SLC39A10: variants seen among roughly 807,000 people sequenced by gnomAD.
The protein encoded by SLC39A10 is solute carrier family 39 member 10.
A neutral mutation model predicts 65.1 loss-of-function variants in SLC39A10; 13 were observed. The ratio of observed to expected loss-of-function variants is 0.20; its 90% CI spans 0.13 to 0.32. The LOEUF is 0.32. Among genes scored for constraint, SLC39A10 ranks in the 10% least tolerant of loss-of-function variants. SLC39A10 has a pLI of 1.00. For synonymous variants in SLC39A10, 321 were observed against 342.2 expected (o/e 0.94, Z 0.68); for missense variants, 831 against 1,018.4 (o/e 0.82, Z 2.50).
At chr2:195,722,366 C>G (rs1366635992) in intron 8 of SLC39A10, among the ~76,000 whole-genome samples, 1 of 152,200 alleles carries the variant, frequency 6.6e-6, no homozygotes, top group Non-Finnish European at 1.5e-5. Flanking sequence ...CCAGCTTCCT[C>G]TTCTGGAGGT....
In SLC39A10 at chr2:195,735,690, G is replaced by T. The variant is rs555497630; in HGVS notation, c.*649G>T. 5 of 152,556 alleles carry T rather than the reference G, an allele frequency of 3.3e-5. No homozygotes were observed. The East Asian group carries it at 9.7e-4, about 29-fold the overall frequency. The allele number at this position is 152,556 out of a possible 1,614,324, so 9.5% of individuals were successfully genotyped here. On this transcript the variant is annotated 3_prime_UTR_variant, in exon 10 of 10. Transcript: ENST00000359634. ...GCCTAAACTACTGAAATTTGTGATT[G>T]TATGTTTGTGTGAGCTTCAGTTTAA...
chr2:195,733,745 GTC>G (rs1233907189), intron 9 of SLC39A10, among the ~76,000 whole-genome samples: 1 of 151,958 alleles, frequency 6.6e-6, no homozygotes, highest in Non-Finnish European at 1.5e-5. Flanking sequence ...GTTCAGGCTG[GTC>G]TCAAACTCCC....
At chr2:195,676,524 A>T (rs1296403398) in intron 1 of SLC39A10, among the ~76,000 whole-genome samples, 1 of 152,140 alleles carries the variant, frequency 6.6e-6, no homozygotes, top group East Asian at 1.9e-4. Flanking sequence ...GAACTTGTTG[A>T]TAATTTTGCT....
In SLC39A10 at chr2:195,728,010, T is replaced by C. The variant is rs1374603404; in HGVS notation, c.2147-149T>C. The stretch of plus-strand genomic sequence containing the variant: ...ATCCAAGTTTTTGCATGCATTATGG[T>C]TTAATAAGTAAAATATTTTATATAT... On this transcript the variant is annotated intron_variant, in intron 8 of 9. Transcript: ENST00000359634. This position sits in a 1 kb window ranked among gnomAD's most constrained non-coding sequence, Gnocchi z 4.4. The C allele has an allele frequency of 2.8e-6, 2 of 718,306 alleles. No homozygotes were observed. The highest frequency in any genetic ancestry group is 6.0e-5 in the Admixed American group (2 of 33,460). 44.5% of individuals were successfully genotyped at this position (718,306 alleles called of 1,614,324 possible). A position where few individuals can be genotyped will look rare whatever the true frequency, so the allele number is the denominator to read the frequency against.
chr2:195,733,356 T>C (rs1692486402), intron 9 of SLC39A10, among the ~76,000 whole-genome samples: 1 of 152,246 alleles, frequency 6.6e-6, no homozygotes. Flanking sequence ...TTCACAATTT[T>C]AGATTAGGTT....
intron 3 of SLC39A10, among the ~76,000 whole-genome samples, chr2:195,686,848 A>G (rs1374285299): frequency 6.6e-6 from 1 of 152,148 alleles, no homozygotes; most frequent in African/African-American, 2.4e-5. Flanking sequence ...TCCTCCTGAA[A>G]AGGTTTTGGA....
chr2:195,662,072 C>A (rs1197176208), intron 1 of SLC39A10, among the ~76,000 whole-genome samples: 1 of 152,108 alleles, frequency 6.6e-6, no homozygotes, highest in Non-Finnish European at 1.5e-5. Flanking sequence ...TTATTAATAT[C>A]ATTATGTACT....
chr2:195,695,585 G>C (rs1690922149), intron 3 of SLC39A10, among the ~76,000 whole-genome samples: 1 of 152,138 alleles, frequency 6.6e-6, no homozygotes, highest in Admixed American at 6.5e-5. Context: ...CAGGGAGCCT[G>C]CAGAGGCAAT....
At chr2:195,653,110 G>A (rs1053432093), upstream of SLC39A10, among the ~76,000 whole-genome samples, 5 of 152,100 alleles carry the variant, frequency 3.3e-5, no homozygotes. Context: ...GAATGTAGAT[G>A]TTTCCCACAA....
chr2:195,674,580 TTTTC>T (rs1247931605), intron 1 of SLC39A10: 56 of 985,352 alleles, frequency 5.7e-5, no homozygotes, highest in South Asian at 2.3e-4. Context: ...CCCGGCCTGC[TTTTC>T]TTTATTTACC....
At position 195,639,912 on chromosome 2, in the gene SLC39A10, C is replaced by T. The variant is rs58078576; in HGVS notation, c.-12+33679C>T. Among the ~76,000 whole-genome samples, 1,517 of 152,194 alleles carry T rather than the reference C, an allele frequency of 1.0e-2. 28 individuals carry two copies. Among genetic ancestry groups the T allele is most frequent in the African/African-American group, 0.034 (1,403 of 41,534 alleles). On this transcript the variant is annotated intron_variant, in intron 2 of 2. Transcript: ENST00000458054. ...AAATCCACATAAATTATTTGGAATT[C>T]TTCTGCAGGAGATATTTGTTCTCTG... is the stretch of plus-strand genomic sequence containing the variant.
At chr2:195,636,569 G>A (rs1688699901) in intron 2 of SLC39A10, among the ~76,000 whole-genome samples, 1 of 151,854 alleles carries the variant, frequency 6.6e-6, no homozygotes, top group Non-Finnish European at 1.5e-5. Flanking sequence ...GGCTAACACG[G>A]TGAAACCCAG....
At chr2:195,722,876 A>C (rs1448271055) in intron 8 of SLC39A10, among the ~76,000 whole-genome samples, 1 of 152,248 alleles carries the variant, frequency 6.6e-6, no homozygotes, top group Non-Finnish European at 1.5e-5. Flanking sequence ...ATTGCAATAC[A>C]TGGAGACTGA....
intron 2 of SLC39A10, among the ~76,000 whole-genome samples, chr2:195,649,743 G>A (rs1688993519): frequency 6.6e-6 from 1 of 152,172 alleles, no homozygotes; most frequent in South Asian, 2.1e-4. Context: ...TGGACTAGGA[G>A]TTATGTTCTG....
intron 5 of SLC39A10, among the ~76,000 whole-genome samples, chr2:195,712,411 G>C (rs1691634057): frequency 6.6e-6 from 1 of 152,352 alleles, no homozygotes; most frequent in South Asian, 2.1e-4. Context: ...GAAATTGATA[G>C]TGGCCATCTT....
intron 1 of SLC39A10, among the ~76,000 whole-genome samples, chr2:195,675,040 A>G (rs1329387663): frequency 2.0e-5 from 3 of 152,146 alleles, no homozygotes; most frequent in Non-Finnish European, 2.9e-5. Context: ...ACTATACACT[A>G]CTGTAAACCA....
Position 195,713,479 on chromosome 2 carries a change from T to C in SLC39A10, c.1622T>C (p.Ile541Thr). Residue 541 changes from isoleucine to threonine, a missense_variant, in exon 6 of 10, where the codon ATT (isoleucine) becomes ACT (threonine). Physicochemically the swap from Ile to Thr is moderately conservative, Grantham distance 89. Coordinates refer to ENST00000359634, the MANE Select transcript of SLC39A10 (RefSeq NM_020342.3). ...AAACAGAACACAGAAGAATCAACTA[T>C]TGGAAGAAAGCTTTCAGATCACAAG... Reference protein sequence around the residue: ...FMKQNTEESTIGRKLSDHKLN... With the variant: ...FMKQNTEESTTGRKLSDHKLN... 1.9e-6 allele frequency: 3 copies of C among 1,582,574 alleles called. No individual in the cohort carries two copies. The highest frequency in any genetic ancestry group is 1.7e-6 in the Non-Finnish European group (2 of 1,172,116).
intron 8 of SLC39A10, among the ~76,000 whole-genome samples, chr2:195,720,233 T>C (rs1195449722): frequency 6.6e-6 from 1 of 152,204 alleles, no homozygotes; most frequent in African/African-American, 2.4e-5. Flanking sequence ...GGCCTTAACT[T>C]TTTCTTTTTT....
At chr2:195,697,957 T>A (rs1199774736) in intron 3 of SLC39A10, among the ~76,000 whole-genome samples, 1 of 152,192 alleles carries the variant, frequency 6.6e-6, no homozygotes, top group African/African-American at 2.4e-5. Flanking sequence ...CTAAGTATTT[T>A]ATTCTTTTTG....
Sources: allele counts gnomAD v4.1 joint callset (sites outside exome capture counted in the v4.1 genomes callset), GRCh38; gene constraint gnomAD v4.1.1; non-coding constraint Gnocchi (gnomAD v3.1); transcripts MANE v1.5; gene names NCBI Gene and HGNC (gene_info 2026-07-23, HGNC 2026-07-21).